The following KCNJ6 variants were observed in gnomAD, a reference collection of about 807,000 sequenced individuals.
KCNJ6 encodes the protein G protein-activated inward rectifier potassium channel 2.
Under a neutral mutation model 34.2 loss-of-function variants are expected in KCNJ6, and 9 were observed. That is an observed-to-expected ratio of 0.26 (90% CI 0.16 to 0.46). KCNJ6 has a LOEUF of 0.46. KCNJ6 is among the 20% of genes least tolerant of loss of function. The pLI is 1.00. For missense variants in KCNJ6, 236 were observed against 531.3 expected, an observed-to-expected ratio of 0.44 and a Z score of 5.46; for synonymous variants, 196 against 207.1, an observed-to-expected ratio of 0.95 and a Z score of 0.46.
At chr21:37,881,233 G>T (rs900826521) in intron 1 of KCNJ6, among the ~76,000 whole-genome samples, 1 of 152,220 alleles carries the variant, frequency 6.6e-6, no homozygotes, top group East Asian at 1.9e-4. Context: ...TTCTGATGTG[G>T]AGAAAGTTGT....
intron 2 of KCNJ6, among the ~76,000 whole-genome samples, chr21:37,741,673 A>C (rs1256401373): frequency 1.3e-5 from 2 of 152,104 alleles, no homozygotes; most frequent in Non-Finnish European, 2.9e-5. Flanking sequence ...GCAAGGCCCC[A>C]GCTCAGACCT....
chr21:37,795,082 A>G (rs1432253832), intron 2 of KCNJ6, among the ~76,000 whole-genome samples: 2 of 152,178 alleles, frequency 1.3e-5, no homozygotes, highest in African/African-American at 4.8e-5. Context: ...ACATTGCTCT[A>G]CATGTTAGTT....
rs2054306837 is a variant in KCNJ6 at position 37,625,496 on chromosome 21, A to C, written c.947-12T>G. 1 of 1,600,910 alleles carries C rather than the reference A, an allele frequency of 6.2e-7. No homozygotes were observed. Among genetic ancestry groups the C allele is most frequent in the South Asian group, 1.1e-5 (1 of 89,674 alleles). On this transcript the variant is annotated splice_polypyrimidine_tract_variant and intron_variant, in intron 3 of 3. Coordinates refer to ENST00000609713, the MANE Select transcript of KCNJ6 (RefSeq NM_002240.5). The stretch of plus-strand genomic sequence containing the variant: ...TTGGCATGTCATCCCTGCAGAGAGA[A>C]GAATGGAGGCTTTAGCATATGTAAG...
chr21:37,752,804 G>T (rs1385890213), intron 2 of KCNJ6, among the ~76,000 whole-genome samples: 1 of 152,182 alleles, frequency 6.6e-6, no homozygotes, highest in Non-Finnish European at 1.5e-5. Context: ...CCAGGCTGGT[G>T]TGGATGACAC....
At chr21:37,690,072 T>G (rs1351871972) in intron 3 of KCNJ6, among the ~76,000 whole-genome samples, 2 of 152,214 alleles carry the variant, frequency 1.3e-5, no homozygotes, top group Non-Finnish European at 2.9e-5. Context: ...TTTCTCAGTA[T>G]AAGATTATGC....
At chr21:37,791,134 G>C (rs996904711) in intron 2 of KCNJ6, among the ~76,000 whole-genome samples, 2 of 152,226 alleles carry the variant, frequency 1.3e-5, no homozygotes, top group African/African-American at 4.8e-5. Flanking sequence ...CACCGTGTCT[G>C]CTGGACCAGG....
chr21:37,901,439 A>G (rs139089155), intron 1 of KCNJ6, among the ~76,000 whole-genome samples: 219 of 152,328 alleles, frequency 1.4e-3, no homozygotes, highest in Non-Finnish European at 2.6e-3. Context: ...AGAGGGATAA[A>G]GGTAGAGAGC....
intron 1 of KCNJ6, among the ~76,000 whole-genome samples, chr21:37,878,895 G>T (rs925091710): frequency 1.3e-5 from 2 of 152,182 alleles, no homozygotes; most frequent in Non-Finnish European, 2.9e-5. Context: ...TGATGTTCCT[G>T]ATAGACCAAC....
chr21:37,729,487 C>G (rs1351982089), intron 2 of KCNJ6, among the ~76,000 whole-genome samples: 1 of 152,158 alleles, frequency 6.6e-6, no homozygotes, highest in Non-Finnish European at 1.5e-5. Flanking sequence ...CCATGCCTAG[C>G]TAATTTTTGT....
At chr21:37,804,783 T>C (rs916779941) in intron 2 of KCNJ6, among the ~76,000 whole-genome samples, 3 of 152,202 alleles carry the variant, frequency 2.0e-5, no homozygotes, top group African/African-American at 7.2e-5. Context: ...TAGTATTCCA[T>C]GGTGTATATG....
At chr21:37,787,295 G>A (rs1340270360) in intron 2 of KCNJ6, among the ~76,000 whole-genome samples, 1 of 152,172 alleles carries the variant, frequency 6.6e-6, no homozygotes, top group African/African-American at 2.4e-5. Context: ...TGAAGGAACT[G>A]GGGGTAGAGG....
chr21:37,686,477 TTTTTTTTG>T (rs2054615851), intron 3 of KCNJ6, among the ~76,000 whole-genome samples: 2 of 110,870 alleles, frequency 1.8e-5, no homozygotes, highest in South Asian at 3.5e-4. Context: ...TTTTTTTTTT[TTTTTTTTG>T]GAGATGGAGT....
At chr21:37,756,665 CTGGAGTGAG>C (rs1314360605) in intron 2 of KCNJ6, among the ~76,000 whole-genome samples, 7 of 148,548 alleles carry the variant, frequency 4.7e-5, no homozygotes, top group African/African-American at 1.5e-4. Context: ...TGATTCCAGC[CTGGAGTGAG>C]CACTCCCTCA....
intron 3 of KCNJ6, among the ~76,000 whole-genome samples, chr21:37,667,083 T>C (rs1197107866): frequency 3.5e-5 from 5 of 143,946 alleles, no homozygotes; most frequent in Non-Finnish European, 7.5e-5. Flanking sequence ...GCTGACCTTC[T>C]CTCCACTATT....
rs75580344 is a variant in KCNJ6, at chr21:37,848,182, C to T, written c.-27-7473G>A. On this transcript the variant is annotated intron_variant, in intron 1 of 3. Transcript: ENST00000609713. Reference sequence around the variant, plus strand: ...CCTGTGTGAAGACCGTGGCAACCCACGCTGGTGAGCCAAGGAAGATGGTGG... The same window carrying T: ...CCTGTGTGAAGACCGTGGCAACCCATGCTGGTGAGCCAAGGAAGATGGTGG... 3.1e-3 allele frequency among the ~76,000 whole-genome samples: 477 copies of T among 152,270 alleles called. 5 individuals are homozygous for T. Among genetic ancestry groups the T allele is most frequent in the African/African-American group, 0.011 (457 of 41,550 alleles).
At chr21:37,899,142 G>A (rs568617591) in intron 1 of KCNJ6, among the ~76,000 whole-genome samples, 5 of 152,294 alleles carry the variant, frequency 3.3e-5, no homozygotes, top group Admixed American at 3.3e-4. Flanking sequence ...AGCTAAGAAA[G>A]GGAGAGACGG....
intron 3 of KCNJ6, among the ~76,000 whole-genome samples, chr21:37,651,711 C>T (rs2054434498): frequency 6.6e-6 from 1 of 152,170 alleles, no homozygotes; most frequent in Non-Finnish European, 1.5e-5. Context: ...CATATGGACT[C>T]CTGGAGAGGA....
intron 1 of KCNJ6, among the ~76,000 whole-genome samples, chr21:37,851,669 T>G (rs2012658913): frequency 6.6e-6 from 1 of 152,192 alleles, no homozygotes; most frequent in Admixed American, 6.5e-5. Flanking sequence ...TGTTGTTCTT[T>G]TATCTCTTCT....
At chr21:37,895,547 G>A (rs1179813016) in intron 1 of KCNJ6, among the ~76,000 whole-genome samples, 1 of 152,132 alleles carries the variant, frequency 6.6e-6, no homozygotes, top group Admixed American at 6.6e-5. Context: ...CCCCATAGAG[G>A]TCATTCTTTG....
Sources: allele counts gnomAD v4.1 joint callset (sites outside exome capture counted in the v4.1 genomes callset), GRCh38; gene constraint gnomAD v4.1.1; transcripts MANE v1.5; gene names NCBI Gene and HGNC (gene_info 2026-07-23, HGNC 2026-07-21).